The following NCOA2 variants were observed in gnomAD, a reference collection of about 807,000 sequenced individuals.
The protein encoded by NCOA2 is class E basic helix-loop-helix protein 75.
In NCOA2, 21 loss-of-function variants were observed where a neutral mutation model predicts 145.1. That is an observed-to-expected ratio of 0.14 (90% CI 0.10 to 0.21). NCOA2 has a LOEUF of 0.21. Among genes scored for constraint, NCOA2 ranks in the 10% least tolerant of loss-of-function variants. The pLI, the probability that NCOA2 is intolerant of heterozygous loss-of-function variation, is 1.00. For missense variants in NCOA2, 1,472 were observed against 1,837.6 expected, an observed-to-expected ratio of 0.80 and a Z score of 3.64; for synonymous variants, 619 against 637.5, an observed-to-expected ratio of 0.97 and a Z score of 0.44.
At chr8:70,210,750 T>G (rs1375861585) in intron 4 of NCOA2, among the ~76,000 whole-genome samples, 1 of 152,202 alleles carries the variant, frequency 6.6e-6, no homozygotes, top group African/African-American at 2.4e-5. Context: ...CTTCTGACAC[T>G]GGAGCAGGGT....
the NCOA2 span, among the ~76,000 whole-genome samples, chr8:70,443,530 G>A: frequency 6.6e-6 from 1 of 152,098 alleles, no homozygotes; most frequent in Non-Finnish European, 1.5e-5. Flanking sequence ...TCAGCATGCT[G>A]CAGGGTAGCT....
At chr8:70,159,467 C>G in intron 10 of NCOA2, 38 bp downstream of exon 10, 1 of 1,512,476 alleles carries the variant, frequency 6.6e-7, no homozygotes, top group South Asian at 1.2e-5. Flanking sequence ...CTCCTCTTAA[C>G]TTGGAAATGG....
chr8:70,338,830 C>A (rs1807866140), intron 1 of NCOA2, among the ~76,000 whole-genome samples: 1 of 152,120 alleles, frequency 6.6e-6, no homozygotes, highest in Non-Finnish European at 1.5e-5. Context: ...ACTACATAAA[C>A]TGCACTAAAG....
At chr8:70,157,339 G>T (rs2132251408) in intron 10 of NCOA2, 99 bp from the exon 11 acceptor site, 3 of 1,048,078 alleles carry the variant, frequency 2.9e-6, no homozygotes, top group East Asian at 5.2e-5. Flanking sequence ...CACCTTAAAA[G>T]AACAGGCTAC....
chr8:70,236,691 A>G (rs1332849293), intron 2 of NCOA2, among the ~76,000 whole-genome samples: 1 of 152,180 alleles, frequency 6.6e-6, no homozygotes, highest in Non-Finnish European at 1.5e-5. Flanking sequence ...ACAACAATAA[A>G]AGTAATACAA....
At chr8:70,273,407 G>A (rs983256896) in intron 2 of NCOA2, 11 of 760,438 alleles carry the variant, frequency 1.4e-5, no homozygotes, top group African/African-American at 5.3e-5. Flanking sequence ...GGAAAAACTC[G>A]CCAAACTGCA....
At chr8:70,360,979 T>C (rs1810148429) in intron 1 of NCOA2, among the ~76,000 whole-genome samples, 1 of 150,830 alleles carries the variant, frequency 6.6e-6, no homozygotes, top group East Asian at 1.9e-4. Flanking sequence ...TGTAAAATAC[T>C]GATCTCATTG....
chr8:70,197,097 T>C (rs1365635421), intron 4 of NCOA2, among the ~76,000 whole-genome samples: 2 of 152,184 alleles, frequency 1.3e-5, no homozygotes, highest in Non-Finnish European at 2.9e-5. Flanking sequence ...CTCTTAACGC[T>C]GCTAAAGAAA....
chr8:70,179,378 C>T (rs1026022932), intron 4 of NCOA2, among the ~76,000 whole-genome samples: 1 of 152,096 alleles, frequency 6.6e-6, no homozygotes, highest in Non-Finnish European at 1.5e-5. Context: ...ATTACTACCT[C>T]TGTTGAATGT....
At chr8:70,165,060 T>C (rs1792358259) in intron 7 of NCOA2, among the ~76,000 whole-genome samples, 1 of 152,188 alleles carries the variant, frequency 6.6e-6, no homozygotes, top group African/African-American at 2.4e-5. Context: ...AACGTACTTT[T>C]AAATGTACAA....
At position 70,141,375 on chromosome 8, in the gene NCOA2, C is replaced by A. The variant is rs201193461; in HGVS notation, c.2837G>T (p.Arg946Leu). 2 of 1,613,682 alleles carry A rather than the reference C, an allele frequency of 1.2e-6. No homozygotes were observed. The highest frequency in any genetic ancestry group is 1.1e-5 in the South Asian group (1 of 91,006). The stretch of plus-strand genomic sequence containing the variant: ...CCATTCTCCAGATGGCATAGTAGGC[C>A]GAGAAGCACTGTTACCAATCATTCC... The part of the protein sequence containing the change: ...STGMIGNSAS[R>L]PTMPSGEWAP... The change falls in exon 14 of 23, where the codon CGG becomes CTG. Residue 946 changes from arginine to leucine, a missense_variant. Around this residue, in one of 4 missense-constraint regions of NCOA2, gnomAD observed 953 missense variants for 1,062.1 expected, o/e 0.90. Coordinates refer to ENST00000452400, the MANE Select transcript of NCOA2 (RefSeq NM_006540.4).
intron 2 of NCOA2, among the ~76,000 whole-genome samples, chr8:70,227,636 G>A (rs1039120621): frequency 1.3e-5 from 2 of 152,108 alleles, no homozygotes; most frequent in Non-Finnish European, 2.9e-5. Context: ...ATGAGGCAAT[G>A]GTTGACATTA....
chr8:70,209,562 T>C (rs904379378), intron 4 of NCOA2, among the ~76,000 whole-genome samples: 1 of 152,134 alleles, frequency 6.6e-6, no homozygotes, highest in Non-Finnish European at 1.5e-5. Flanking sequence ...TAAGAAATCG[T>C]TATAGCCACC....
rs558147920 is a variant in NCOA2 at position 70,178,421 on chromosome 8, T to C, written c.260-3562A>G. Among the ~76,000 whole-genome samples the C allele has an allele frequency of 5.9e-5, 9 of 152,292 alleles. No homozygotes were observed. The South Asian group carries it at 1.9e-3, about 32-fold the overall frequency. ...CATGCTGTTTTATTCTTTAAAATAG[T>C]CAACTGATAAATATTTAAGAGGAAG... On this transcript the variant is annotated intron_variant, in intron 4 of 22. Coordinates refer to ENST00000452400, the MANE Select transcript of NCOA2 (RefSeq NM_006540.4).
rs376845474 is a variant in NCOA2 at position 70,156,190 on chromosome 8, T to C, written c.2175A>G (p.Gly725=). The part of the protein sequence containing the change: ...LSQESSSTAP[G]SEVTIKQEPV... Reference sequence around the variant, plus strand: ...GCTCTTGTTTAATAGTCACTTCTGATCCAGGAGCTGTGCTGCTGGACTCCT... The same window carrying C: ...GCTCTTGTTTAATAGTCACTTCTGACCCAGGAGCTGTGCTGCTGGACTCCT... Residue 725 remains glycine, a synonymous_variant, in exon 11 of 23, where the codon GGA becomes GGG. Transcript: ENST00000452400. 5.6e-6 allele frequency: 9 copies of C among 1,613,876 alleles called. No homozygotes were observed. Among genetic ancestry groups the C allele is most frequent in the African/African-American group, 2.7e-5 (2 of 74,920 alleles).
At chr8:70,320,866 T>C (rs1173745889) in intron 1 of NCOA2, among the ~76,000 whole-genome samples, 1 of 152,212 alleles carries the variant, frequency 6.6e-6, no homozygotes, top group Non-Finnish European at 1.5e-5. Flanking sequence ...GTGCATATTG[T>C]CTTTAGTAAG....
chr8:70,145,822 T>C (rs1055635012), intron 12 of NCOA2, among the ~76,000 whole-genome samples: 1 of 151,770 alleles, frequency 6.6e-6, no homozygotes, highest in African/African-American at 2.4e-5. Context: ...GTTGAGACAG[T>C]GTCTCACTAT....
chr8:70,417,245 T>TAAAAAAAAAAAAAAAAAA, the NCOA2 span, among the ~76,000 whole-genome samples: 61 of 77,990 alleles, frequency 7.8e-4, 7 homozygotes, highest in African/African-American at 5.0e-3. Context: ...TCGTCTCTAT[T>TAAAAAAAAAAAAAAAAAA]AAAAAAAAAA....
intron 1 of NCOA2, among the ~76,000 whole-genome samples, chr8:70,396,760 T>C (rs554648943): frequency 6.6e-6 from 1 of 152,350 alleles, no homozygotes; most frequent in African/African-American, 2.4e-5. Flanking sequence ...CTGATACAAT[T>C]TGCAGGACTG....
Sources: allele counts gnomAD v4.1 joint callset (sites outside exome capture counted in the v4.1 genomes callset), GRCh38; gene constraint gnomAD v4.1.1; regional missense constraint gnomAD v4.1.1; transcripts MANE v1.5; gene names NCBI Gene and HGNC (gene_info 2026-07-23, HGNC 2026-07-21).